The following TULP4 variants were observed in gnomAD, a reference collection of about 807,000 sequenced individuals.
The protein encoded by TULP4 is TUB like protein 4.
Under a neutral mutation model 129.0 loss-of-function variants are expected in TULP4, and 16 were observed. The observed-to-expected ratio is 0.12, with a 90% CI of 0.08 to 0.19. The LOEUF (loss-of-function observed/expected upper bound fraction) is 0.19. Among genes scored for constraint, TULP4 ranks in the 10% least tolerant of loss-of-function variants. The probability of loss-of-function intolerance (pLI) is 1.00; values close to 1 mark genes in which losing one functional copy is unlikely to be tolerated. For synonymous variants in TULP4, 998 were observed against 854.0 expected, an observed-to-expected ratio of 1.17 and a Z score of -2.94; for missense variants, 1,842 against 2,059.1, an observed-to-expected ratio of 0.89 and a Z score of 2.04.
intron 1 of TULP4, among the ~76,000 whole-genome samples, chr6:158,354,900 A>AC (rs1319454003): frequency 6.6e-6 from 1 of 151,466 alleles, no homozygotes; most frequent in Non-Finnish European, 1.5e-5. Flanking sequence ...AAAAAAAAAA[A>AC]AAACCAGAAA....
Position 158,365,661 on chromosome 6 carries a change from G to C in TULP4, c.253-47404G>C, listed in dbSNP as rs530473184. 8.7e-3 allele frequency among the ~76,000 whole-genome samples: 1,315 copies of C among 150,376 alleles called. 12 individuals are homozygous for C. Among genetic ancestry groups the C allele is most frequent in the Middle Eastern group, 0.028 (8 of 288 alleles). On this transcript the variant is annotated intron_variant, in intron 1 of 13. Transcript: ENST00000367097. Reference sequence around the variant, plus strand: ...CCAGCTAATTTTTTGTTAGTAGAGAGGGGGTTTCACCATGTTAGCCAATAG... The same window carrying C: ...CCAGCTAATTTTTTGTTAGTAGAGACGGGGTTTCACCATGTTAGCCAATAG...
chr6:158,250,120 G>A (rs1299466198), intron 1 of TULP4, among the ~76,000 whole-genome samples: 3 of 151,400 alleles, frequency 2.0e-5, no homozygotes, highest in African/African-American at 4.9e-5. Context: ...AGAGACATGA[G>A]CCACCATTCC....
chr6:158,384,408 C>T (rs1481144581), intron 1 of TULP4, among the ~76,000 whole-genome samples: 1 of 151,926 alleles, frequency 6.6e-6, no homozygotes, highest in Non-Finnish European at 1.5e-5. Context: ...CTGCCTCAGC[C>T]TCCCGAGTAG....
At chr6:158,363,793 T>G in intron 1 of TULP4, among the ~76,000 whole-genome samples, 1 of 152,162 alleles carries the variant, frequency 6.6e-6, no homozygotes, top group South Asian at 2.1e-4. Context: ...CCGCGTGTTT[T>G]TTTTTTCTTT....
chr6:158,315,223 A>G (rs763290817), intron 1 of TULP4, among the ~76,000 whole-genome samples: 14 of 152,078 alleles, frequency 9.2e-5, no homozygotes, highest in Non-Finnish European at 1.8e-4. Flanking sequence ...AACAGTAGAA[A>G]TTTATTTCTC....
intron 1 of TULP4, among the ~76,000 whole-genome samples, chr6:158,338,163 G>C (rs1448725469): frequency 6.6e-6 from 1 of 151,994 alleles, no homozygotes; most frequent in Admixed American, 6.6e-5. Context: ...TTTGAGACAG[G>C]GTCTTTGCTC....
At chr6:158,296,348 A>G (rs1277522097) in intron 1 of TULP4, among the ~76,000 whole-genome samples, 1 of 152,032 alleles carries the variant, frequency 6.6e-6, no homozygotes, top group East Asian at 1.9e-4. Flanking sequence ...TGAGAAATAA[A>G]GAGAGACAGT....
At chr6:158,390,367 T>TA (rs879735712) in intron 1 of TULP4, among the ~76,000 whole-genome samples, 52 of 143,682 alleles carry the variant, frequency 3.6e-4, no homozygotes, top group South Asian at 1.3e-3. Flanking sequence ...TTGCAGATCT[T>TA]AAAAAAAAAA....
At chr6:158,396,238 A>G (rs1032864689) in intron 1 of TULP4, among the ~76,000 whole-genome samples, 11 of 150,968 alleles carry the variant, frequency 7.3e-5, no homozygotes, top group Non-Finnish European at 5.9e-5. Flanking sequence ...CCCAACCTCT[A>G]TTCTCTCATG....
At chr6:158,467,778 G>GGGTCT (rs1779586152) in intron 6 of TULP4, among the ~76,000 whole-genome samples, 1 of 152,146 alleles carries the variant, frequency 6.6e-6, no homozygotes, top group African/African-American at 2.4e-5. Context: ...CTGCCAATCT[G>GGGTCT]GATTTTTCTG....
chr6:158,292,797 A>G (rs776063474), intron 1 of TULP4, among the ~76,000 whole-genome samples: 8 of 152,234 alleles, frequency 5.3e-5, no homozygotes, highest in Admixed American at 1.3e-4. Context: ...ATAAACTTCC[A>G]GAAGTGGAAT....
chr6:158,411,388 C>T (rs530061663), intron 1 of TULP4, among the ~76,000 whole-genome samples: 1 of 152,192 alleles, frequency 6.6e-6, no homozygotes, highest in East Asian at 1.9e-4. Context: ...ATGACTAGAG[C>T]AAGGAAGAGG....
intron 1 of TULP4, among the ~76,000 whole-genome samples, chr6:158,378,882 T>G (rs1777262786): frequency 6.6e-6 from 1 of 152,200 alleles, no homozygotes; most frequent in Non-Finnish European, 1.5e-5. Context: ...TGTATTTAAT[T>G]GAAAATTTGG....
chr6:158,300,064 C>G (rs999861312), intron 1 of TULP4, among the ~76,000 whole-genome samples: 4 of 152,128 alleles, frequency 2.6e-5, no homozygotes, highest in Non-Finnish European at 5.9e-5. Flanking sequence ...TTTAATTTGG[C>G]GTGCCAGTTT....
chr6:158,326,502 T>A (rs1461828040), intron 1 of TULP4, among the ~76,000 whole-genome samples: 2 of 152,252 alleles, frequency 1.3e-5, no homozygotes, highest in Non-Finnish European at 2.9e-5. Context: ...GTTTATGGAA[T>A]CTTGTATTTT....
chr6:158,325,509 C>T (rs536967533), intron 1 of TULP4, among the ~76,000 whole-genome samples: 24 of 152,114 alleles, frequency 1.6e-4, no homozygotes, highest in Non-Finnish European at 2.4e-4. Flanking sequence ...CCTATCACCA[C>T]GCCTGGCTAA....
intron 1 of TULP4, among the ~76,000 whole-genome samples, chr6:158,360,873 A>G (rs1307309740): frequency 6.6e-6 from 1 of 152,226 alleles, no homozygotes; most frequent in African/African-American, 2.4e-5. Context: ...TGCCACCATT[A>G]GCATAAATGC....
intron 1 of TULP4, among the ~76,000 whole-genome samples, chr6:158,240,792 G>T (rs968778816): frequency 2.1e-5 from 3 of 145,624 alleles, no homozygotes; most frequent in Non-Finnish European, 4.6e-5. Flanking sequence ...GGCCAGGCGG[G>T]GGGCTGAACC....
At chr6:158,439,235 G>A (rs1017236404) in intron 3 of TULP4, among the ~76,000 whole-genome samples, 1 of 152,030 alleles carries the variant, frequency 6.6e-6, no homozygotes, top group African/African-American at 2.4e-5. Flanking sequence ...CATAGAAGAG[G>A]TCTGTTCTTT....
Sources: allele counts gnomAD v4.1 joint callset (sites outside exome capture counted in the v4.1 genomes callset), GRCh38; gene constraint gnomAD v4.1.1; transcripts MANE v1.5; gene names NCBI Gene and HGNC (gene_info 2026-07-23, HGNC 2026-07-21).